Variants in CPED1 observed in about 807,000 individuals in gnomAD.
The protein encoded by CPED1 is cadherin-like and PC-esterase domain-containing protein 1.
Under a neutral mutation model 128.2 loss-of-function variants are expected in CPED1, and 114 were observed. The ratio of observed to expected loss-of-function variants is 0.89; its 90% confidence interval spans 0.76 to 1.04. The LOEUF is 1.04. CPED1 is among the 50% of genes least tolerant of loss of function. The probability of loss-of-function intolerance (pLI) is 0.00; values close to 1 mark genes in which losing one functional copy is unlikely to be tolerated. For missense variants in CPED1, 1,211 were observed against 1,207.1 expected, an observed-to-expected ratio of 1.00 and a Z score of -0.05; for synonymous variants, 462 against 426.7, an observed-to-expected ratio of 1.08 and a Z score of -1.02.
Position 121,068,128 on chromosome 7 carries a change from A to G in CPED1, c.616+3815A>G, listed in dbSNP as rs894149271. Among the ~76,000 whole-genome samples the G allele has an allele frequency of 7.2e-5, 11 of 152,190 alleles. 1 individual carries two copies. In the Middle Eastern group the frequency reaches 0.01, roughly 141 times the overall value. ...AAGCTCTTTAGTTTAATTAGATCCCATTTGTCAATTTTGGCTTTTGTTGCC... is the reference window on the plus strand; with the variant it reads ...AAGCTCTTTAGTTTAATTAGATCCCGTTTGTCAATTTTGGCTTTTGTTGCC... On this transcript the variant is annotated intron_variant, in intron 5 of 22. Transcript: ENST00000310396.
chr7:121,143,948 G>A (rs1357949717), intron 16 of CPED1, among the ~76,000 whole-genome samples: 2 of 151,568 alleles, frequency 1.3e-5, no homozygotes, highest in Non-Finnish European at 2.9e-5. Flanking sequence ...ATACTATTGG[G>A]GCATTAAAAA....
chr7:121,074,511 T>G (rs868574017), intron 5 of CPED1, among the ~76,000 whole-genome samples: 9 of 133,340 alleles, frequency 6.7e-5, no homozygotes, highest in African/African-American at 2.4e-4. Flanking sequence ...TCCTTTGTGT[T>G]TTTTTTTTTT....
intron 2 of CPED1, among the ~76,000 whole-genome samples, chr7:120,999,985 TC>T (rs1211603405): frequency 9.9e-5 from 15 of 152,154 alleles, no homozygotes; most frequent in African/African-American, 3.6e-4. Context: ...AACTTCTGCT[TC>T]TTTCTCCCTC....
chr7:121,267,390 T>C (rs1792148523), intron 21 of CPED1, 88 bp downstream of exon 21: 2 of 603,724 alleles, frequency 3.3e-6, no homozygotes, highest in African/African-American at 1.9e-5. Context: ...CTATATAATA[T>C]TGAGCAACCT....
chr7:121,207,491 C>T (rs79853324), intron 16 of CPED1, among the ~76,000 whole-genome samples: 76 of 152,074 alleles, frequency 5.0e-4, no homozygotes, highest in Non-Finnish European at 1.0e-3. Context: ...TTATATGTGT[C>T]GCTTAGAGCT....
chr7:121,092,967 A>G (rs530141471), intron 5 of CPED1, among the ~76,000 whole-genome samples: 1 of 152,328 alleles, frequency 6.6e-6, no homozygotes, highest in East Asian at 1.9e-4. Context: ...TTATTCTTTT[A>G]GTCTACTTGC....
intron 22 of CPED1, among the ~76,000 whole-genome samples, chr7:121,284,994 A>G (rs1003931585): frequency 3.3e-5 from 5 of 152,206 alleles, no homozygotes; most frequent in African/African-American, 1.2e-4. Flanking sequence ...GAGCTTCTCC[A>G]TGAAGTTTCC....
intron 16 of CPED1, among the ~76,000 whole-genome samples, chr7:121,150,886 A>G (rs1219303271): frequency 1.3e-5 from 2 of 152,076 alleles, no homozygotes; most frequent in Admixed American, 6.6e-5. Context: ...CTCCTGCTTC[A>G]GCCTCTCGAG....
At chr7:121,241,062 G>GAATTGGATGGAAAAATAAGCACTTTTGA (rs1390295043) in intron 17 of CPED1, among the ~76,000 whole-genome samples, 20 of 127,052 alleles carry the variant, frequency 1.6e-4, no homozygotes, top group South Asian at 2.4e-4. Flanking sequence ...TTATAAAACA[G>GAATTGGATGGAAAAATAAGCACTTTTGA]GCCGGGCGCG....
chr7:121,275,995 A>C (rs901543163), intron 22 of CPED1, among the ~76,000 whole-genome samples: 6 of 151,988 alleles, frequency 3.9e-5, no homozygotes, highest in African/African-American at 1.4e-4. Context: ...AATATGGTTA[A>C]CATAGTTAGC....
chr7:121,214,321 C>G (rs576888249), intron 16 of CPED1, among the ~76,000 whole-genome samples: 3 of 151,908 alleles, frequency 2.0e-5, no homozygotes, highest in Non-Finnish European at 4.4e-5. Context: ...GAGACAGAGT[C>G]TCACTCTGTC....
intron 18 of CPED1, among the ~76,000 whole-genome samples, chr7:121,265,573 A>G (rs1792106167): frequency 6.6e-6 from 1 of 152,098 alleles, no homozygotes; most frequent in Non-Finnish European, 1.5e-5. Flanking sequence ...TGTAGAATGA[A>G]TTAAAAGACA....
intron 22 of CPED1, among the ~76,000 whole-genome samples, chr7:121,279,334 TCATGCATGAAGTA>T (rs1792389716): frequency 6.6e-6 from 1 of 151,866 alleles, no homozygotes; most frequent in Non-Finnish European, 1.5e-5. Context: ...GTCTAAAAAA[TCATGCATGAAGTA>T]CAGACTAAAT....
intron 21 of CPED1, among the ~76,000 whole-genome samples, chr7:121,269,636 T>C (rs1397490103): frequency 1.3e-5 from 2 of 152,090 alleles, no homozygotes; most frequent in Non-Finnish European, 2.9e-5. Flanking sequence ...ATTCCTGTTT[T>C]GCATGGCCTC....
At chr7:121,129,946 T>C (rs1324536260) in intron 11 of CPED1, among the ~76,000 whole-genome samples, 179 bp from the exon 12 acceptor site, 1 of 151,988 alleles carries the variant, frequency 6.6e-6, no homozygotes, top group East Asian at 1.9e-4. Context: ...AAAATTAGTT[T>C]CTTATAAAAA....
chr7:121,036,507 A>ATATTTTT (rs1449540146), intron 3 of CPED1, among the ~76,000 whole-genome samples: 31 of 133,904 alleles, frequency 2.3e-4, no homozygotes, highest in African/African-American at 9.2e-4. Flanking sequence ...ATATATATAT[A>ATATTTTT]TTTTTTTTTT....
intron 16 of CPED1, among the ~76,000 whole-genome samples, chr7:121,217,303 T>G (rs1194049828): frequency 6.6e-6 from 1 of 151,966 alleles, no homozygotes; most frequent in African/African-American, 2.4e-5. Context: ...AGTCAAAGGC[T>G]TTTACAAGCC....
At chr7:121,127,286 A>G (rs1225372773) in intron 10 of CPED1, 29 bp downstream of exon 10, 7 of 1,391,880 alleles carry the variant, frequency 5.0e-6, no homozygotes, top group African/African-American at 1.5e-5. Context: ...ACTGATAAAT[A>G]TTTTTTCAAG....
intron 16 of CPED1, among the ~76,000 whole-genome samples, chr7:121,177,775 T>C (rs903737118): frequency 2.0e-5 from 3 of 152,104 alleles, no homozygotes; most frequent in African/African-American, 7.2e-5. Flanking sequence ...CTATGCTTCT[T>C]TCCCCCTTTT....
Sources: gnomAD v4.1 joint callset for allele counts (sites outside exome capture counted in the v4.1 genomes callset) on GRCh38, gnomAD v4.1.1 for gene constraint, MANE v1.5 for transcripts, NCBI Gene and HGNC (gene_info 2026-07-23, HGNC 2026-07-21) for gene names.